Variants in TECRL observed in about 807,000 individuals in gnomAD.
TECRL encodes trans-2,3-enoyl-CoA reductase like, also known as trans-2,3-enoyl-CoA reductase-like.
Under a neutral mutation model 52.8 loss-of-function variants are expected in TECRL, and 63 were observed. The observed-to-expected ratio is 1.19, with a 90% CI of 0.97 to 1.47. TECRL has a LOEUF of 1.47. TECRL is among the 40% of genes most tolerant of loss of function. The probability of loss-of-function intolerance (pLI) is 0.00; values close to 1 mark genes in which losing one functional copy is unlikely to be tolerated. For synonymous variants in TECRL, 164 were observed against 141.9 expected, an observed-to-expected ratio of 1.16 and a Z score of -1.10; for missense variants, 482 against 429.6, an observed-to-expected ratio of 1.12 and a Z score of -1.08.
intron 1 of TECRL, among the ~76,000 whole-genome samples, chr4:64,408,145 T>C (rs1368356601): frequency 6.6e-6 from 1 of 151,816 alleles, no homozygotes; most frequent in East Asian, 1.9e-4. Flanking sequence ...AATTACTGAA[T>C]AAGAAATTAT....
intron 8 of TECRL, among the ~76,000 whole-genome samples, chr4:64,295,683 C>T (rs556161718): frequency 1.3e-5 from 2 of 151,716 alleles, no homozygotes; most frequent in East Asian, 1.9e-4. Flanking sequence ...ACATTAGATT[C>T]GATATCACAT....
At chr4:64,305,354 T>C (rs1420900280) in intron 6 of TECRL, 116 bp from the exon 7 acceptor site, 2 of 758,104 alleles carry the variant, frequency 2.6e-6, no homozygotes, top group Non-Finnish European at 4.4e-6. Flanking sequence ...CATACATTTA[T>C]ATTAGACACT....
At chr4:64,311,500 C>A (rs1716997050) in intron 5 of TECRL, among the ~76,000 whole-genome samples, 1 of 152,022 alleles carries the variant, frequency 6.6e-6, no homozygotes, top group South Asian at 2.1e-4. Flanking sequence ...TTACAAAAAC[C>A]CTTGAGTAAT....
intron 8 of TECRL, 66 bp downstream of exon 8, chr4:64,299,906 TAC>T (rs1448887685): frequency 2.4e-5 from 19 of 804,314 alleles, no homozygotes; most frequent in Non-Finnish European, 3.5e-5. Context: ...AATCTTCAGA[TAC>T]AGTCTGTTTT....
At chr4:64,329,955 T>C (rs986642490) in intron 2 of TECRL, among the ~76,000 whole-genome samples, 1 of 151,286 alleles carries the variant, frequency 6.6e-6, no homozygotes, top group Non-Finnish European at 1.5e-5. Flanking sequence ...GGGTTCTACT[T>C]TACTATTTTA....
chr4:64,277,426 G>T (rs554718540), downstream of TECRL, among the ~76,000 whole-genome samples: 2 of 151,858 alleles, frequency 1.3e-5, no homozygotes, highest in East Asian at 3.8e-4. Context: ...ATCATTAAAT[G>T]ATATCATACA....
chr4:64,391,438 T>C (rs778205237), intron 1 of TECRL, among the ~76,000 whole-genome samples: 17 of 151,958 alleles, frequency 1.1e-4, no homozygotes, highest in Admixed American at 6.6e-4. Context: ...AATTTCAAAG[T>C]TAAATGACCA....
rs912776889 is a variant in TECRL at position 64,378,805 on chromosome 4, T to C, written c.235-3582A>G. Reference sequence around the variant, plus strand: ...AAATTTTAACTGAATTATACTATGGTTTCTCTTCAGATCATATAAATTTTT... The same window carrying C: ...AAATTTTAACTGAATTATACTATGGCTTCTCTTCAGATCATATAAATTTTT... On this transcript the variant is annotated intron_variant, in intron 1 of 11. Transcript: ENST00000381210. Among the ~76,000 whole-genome samples the C allele has an allele frequency of 9.6e-4, 146 of 152,072 alleles. 2 individuals are homozygous for C. Among genetic ancestry groups the C allele is most frequent in the Non-Finnish European group, 2.6e-4 (18 of 67,976 alleles).
chr4:64,281,666 A>T (rs1722836447), intron 9 of TECRL, 107 bp from the exon 10 acceptor site: 20 of 593,356 alleles, frequency 3.4e-5, no homozygotes. Context: ...ACCACATGAA[A>T]TGTCATCACG....
At position 64,281,235 on chromosome 4, in the gene TECRL, C is replaced by A. The variant is rs986949496; in HGVS notation, c.919-149G>T. ...TCAAGAAATAATAATTTAATTTTTA[C>A]ATATAAAGTCATAAGCAATCTCATT... On this transcript the variant is annotated intron_variant, in intron 10 of 11. Coordinates refer to ENST00000381210, the MANE Select transcript of TECRL (RefSeq NM_001010874.5). The A allele has an allele frequency of 1.2e-5, 7 of 572,848 alleles. No individual in the cohort carries two copies. In the South Asian group the frequency reaches 2.0e-4, roughly 16 times the overall value. The allele number at this position is 572,848 out of a possible 1,614,324, so 35.5% of individuals were successfully genotyped here. A position where few individuals can be genotyped will look rare whatever the true frequency, so the allele number is the denominator to read the frequency against.
chr4:64,345,907 C>CAAAAACAAAAAAAAAAAAAAAA (rs1719924678), intron 2 of TECRL, among the ~76,000 whole-genome samples: 1 of 23,350 alleles, frequency 4.3e-5, no homozygotes, highest in Non-Finnish European at 6.8e-5. Flanking sequence ...GCCTCAACAG[C>CAAAAACAAAAAAAAAAAAAAAA]AAAAAAAAAA....
At chr4:64,284,821 C>G (rs1351682941) in intron 9 of TECRL, among the ~76,000 whole-genome samples, 1 of 152,068 alleles carries the variant, frequency 6.6e-6, no homozygotes, top group African/African-American at 2.4e-5. Context: ...CTTGAGACAG[C>G]TGGTGCAATG....
Position 64,302,390 on chromosome 4 carries a change from G to A in TECRL, c.731-2373C>T, listed in dbSNP as rs533363516. Among the ~76,000 whole-genome samples, 9 of 151,210 alleles carry A rather than the reference G, an allele frequency of 6.0e-5. No homozygotes were observed. In the East Asian group the frequency reaches 1.7e-3, roughly 29 times the overall value. ...TGGGAAAAAGACCAGTTAGCATAGA[G>A]AGCAAAGAAGAGCAGTGTCAACTAT... is the stretch of plus-strand genomic sequence containing the variant. On this transcript the variant is annotated intron_variant, in intron 7 of 11. Transcript: ENST00000381210.
At chr4:64,404,755 A>G (rs1013102551) in intron 1 of TECRL, among the ~76,000 whole-genome samples, 2 of 152,074 alleles carry the variant, frequency 1.3e-5, no homozygotes, top group Non-Finnish European at 2.9e-5. Flanking sequence ...GCAGTAGGTA[A>G]AAGGGTTTGA....
intron 1 of TECRL, among the ~76,000 whole-genome samples, chr4:64,396,099 G>T (rs374836951): frequency 6.6e-6 from 1 of 151,958 alleles, no homozygotes; most frequent in South Asian, 2.1e-4. Context: ...TTGATTCCAT[G>T]TCTTTGCTAT....
intron 2 of TECRL, among the ~76,000 whole-genome samples, chr4:64,349,782 C>T (rs746228407): frequency 2.0e-4 from 30 of 152,056 alleles, no homozygotes; most frequent in Non-Finnish European, 4.0e-4. Flanking sequence ...AATTGAATTC[C>T]AACATTTCCA....
chr4:64,277,068 G>A, downstream of TECRL: 2 of 1,491,222 alleles, frequency 1.3e-6, no homozygotes, highest in Non-Finnish European at 9.0e-7. Context: ...ATAAAAATGA[G>A]AAATAAATTT....
chr4:64,401,446 C>T (rs1177959402), intron 1 of TECRL, among the ~76,000 whole-genome samples: 2 of 152,148 alleles, frequency 1.3e-5, no homozygotes, highest in African/African-American at 2.4e-5. Flanking sequence ...TTTCAAGATC[C>T]TTTCAAGTGC....
chr4:64,397,777 G>A (rs1235843550), intron 1 of TECRL: 1 of 152,094 alleles, frequency 6.6e-6, no homozygotes, highest in African/African-American at 2.4e-5. Context: ...ATGTGCTGCT[G>A]AATCTAGCAC....
Sources: allele counts gnomAD v4.1 joint callset (sites outside exome capture counted in the v4.1 genomes callset), GRCh38; gene constraint gnomAD v4.1.1; transcripts MANE v1.5; gene names NCBI Gene and HGNC (gene_info 2026-07-23, HGNC 2026-07-21).